Variants in MGAT4C observed in about 807,000 individuals in gnomAD.
MGAT4C encodes the protein alpha-1,3-mannosyl-glycoprotein 4-beta-N-acetylglucosaminyltransferase C.
A neutral mutation model predicts 40.1 loss-of-function variants in MGAT4C; 19 were observed. The ratio of observed to expected loss-of-function variants is 0.47; its 90% CI spans 0.33 to 0.70. The LOEUF is 0.70. Among genes scored for constraint, MGAT4C ranks in the 30% least tolerant of loss-of-function variants. The pLI is 0.02. For missense variants in MGAT4C, 491 were observed against 563.2 expected, an observed-to-expected ratio of 0.87 and a Z score of 1.30; for synonymous variants, 181 against 187.1, an observed-to-expected ratio of 0.97 and a Z score of 0.27.
intron 1 of MGAT4C, among the ~76,000 whole-genome samples, chr12:86,774,308 T>TTTCTTTC (rs1396153614): frequency 2.5e-5 from 1 of 39,538 alleles, no homozygotes; most frequent in African/African-American, 6.4e-5. Flanking sequence ...TCTTTCTTTC[T>TTTCTTTC]TTCTTTCTTT....
intron 2 of MGAT4C, among the ~76,000 whole-genome samples, chr12:86,679,044 C>A (rs958473826): frequency 6.6e-6 from 1 of 152,034 alleles, no homozygotes; most frequent in Non-Finnish European, 1.5e-5. Flanking sequence ...ACAGTCCCAC[C>A]AACAGTGTAA....
chr12:86,778,963 T>C (rs1951787209), intron 1 of MGAT4C, among the ~76,000 whole-genome samples: 1 of 150,598 alleles, frequency 6.6e-6, no homozygotes, highest in Non-Finnish European at 1.5e-5. Context: ...TGCCTGGTAT[T>C]TTAAATTATA....
intron 4 of MGAT4C, among the ~76,000 whole-genome samples, chr12:86,298,304 C>CATGTT (rs931945128): frequency 3.9e-5 from 6 of 152,006 alleles, no homozygotes; most frequent in African/African-American, 1.2e-4. Context: ...TATTATTTTT[C>CATGTT]ATGTTTAAAT....
At chr12:86,764,629 C>T (rs1239316072) in intron 1 of MGAT4C, among the ~76,000 whole-genome samples, 12 of 150,190 alleles carry the variant, frequency 8.0e-5, no homozygotes, top group African/African-American at 2.7e-4. Flanking sequence ...TAGGGGCAGA[C>T]TGACACCTCA....
chr12:86,449,451 CTTAATTGTATAG>C (rs1290640952), intron 2 of MGAT4C, among the ~76,000 whole-genome samples: 4 of 152,084 alleles, frequency 2.6e-5, no homozygotes, highest in Non-Finnish European at 5.9e-5. Context: ...GTGCACAACT[CTTAATTGTATAG>C]TTTGATGTAT....
rs1354040924 is a variant in MGAT4C at position 86,818,460 on chromosome 12, G to C, written c.-262+20206C>G. Among the ~76,000 whole-genome samples the C allele has an allele frequency of 7.3e-5, 11 of 151,102 alleles. No individual in the cohort carries two copies. The Admixed American group carries it at 7.3e-4, about 10-fold the overall frequency. Reference sequence around the variant, plus strand: ...AGGGATAAGGTAATAGAAAATCAGAGTGAATTGTTAGAGGCATGGAAACTG... The same window carrying C: ...AGGGATAAGGTAATAGAAAATCAGACTGAATTGTTAGAGGCATGGAAACTG... On this transcript the variant is annotated intron_variant, in intron 1 of 7. Coordinates refer to the MGAT4C transcript ENST00000548651.
chr12:86,358,136 A>G (rs1955360618), intron 3 of MGAT4C, among the ~76,000 whole-genome samples: 1 of 152,254 alleles, frequency 6.6e-6, no homozygotes, highest in African/African-American at 2.4e-5. Context: ...ATCTCTCAGC[A>G]GAAACTCTCC....
chr12:86,419,136 C>T (rs1265073962), intron 3 of MGAT4C, among the ~76,000 whole-genome samples: 3 of 151,908 alleles, frequency 2.0e-5, no homozygotes, highest in Admixed American at 2.0e-4. Flanking sequence ...TTTCTCCCTC[C>T]AACTTTTAAA....
chr12:86,157,706 A>C (rs1885127925), intron 1 of MGAT4C, among the ~76,000 whole-genome samples: 1 of 152,196 alleles, frequency 6.6e-6, no homozygotes, highest in South Asian at 2.1e-4. Context: ...AAGGAAAAGA[A>C]AGACACATCT....
At chr12:86,537,423 A>T (rs193157589) in intron 2 of MGAT4C, among the ~76,000 whole-genome samples, 196 of 152,266 alleles carry the variant, frequency 1.3e-3, no homozygotes, top group African/African-American at 4.5e-3. Context: ...TTAGTTATAA[A>T]AGTAAATGTC....
Position 86,399,455 on chromosome 12 carries a change from G to C in MGAT4C, c.-120+35702C>G, listed in dbSNP as rs1204226673. 2.6e-5 allele frequency among the ~76,000 whole-genome samples: 4 copies of C among 151,326 alleles called. No individual in the cohort carries two copies. The East Asian group carries it at 5.9e-4, about 22-fold the overall frequency. On this transcript the variant is annotated intron_variant, in intron 3 of 7. Transcript: ENST00000548651. ...CGCCACCACACCCGGCTAATTTTTT[G>C]TATTTTTAGTAGAAACGGGGTTTCA...
intron 2 of MGAT4C, among the ~76,000 whole-genome samples, chr12:86,447,179 G>C (rs2897328): frequency 0.098 from 14,989 of 152,184 alleles, 996 homozygotes; most frequent in Middle Eastern, 0.24. Flanking sequence ...AGGCTGGAGT[G>C]CAATGGTGCA....
intron 2 of MGAT4C, among the ~76,000 whole-genome samples, chr12:86,594,600 G>A (rs532067461): frequency 1.6e-4 from 24 of 152,258 alleles, no homozygotes; most frequent in East Asian, 5.8e-4. Context: ...TTTTGCTACC[G>A]TTCAAGGAGA....
At chr12:86,616,418 CGTAA>C (rs1383659050) in intron 2 of MGAT4C, among the ~76,000 whole-genome samples, 3 of 151,872 alleles carry the variant, frequency 2.0e-5, no homozygotes, top group Non-Finnish European at 2.9e-5. Flanking sequence ...CATAGGTAAC[CGTAA>C]GTAACATTAA....
chr12:86,068,358 A>G (rs1362429602), intron 1 of MGAT4C: 1 of 151,952 alleles, frequency 6.6e-6, no homozygotes. Context: ...ATCATCATTG[A>G]TATTAGTTTG....
rs1873033021 is a variant in MGAT4C at position 86,092,343 on chromosome 12, T to C, written c.-56-42620A>G. Among the ~76,000 whole-genome samples, 3 of 152,254 alleles carry C rather than the reference T, an allele frequency of 2.0e-5. No individual in the cohort carries two copies. In the South Asian group the frequency reaches 6.2e-4, roughly 32 times the overall value. On this transcript the variant is annotated intron_variant, in intron 1 of 4. Coordinates refer to ENST00000611864, the MANE Select transcript of MGAT4C (RefSeq NM_001351288.2). The stretch of plus-strand genomic sequence containing the variant: ...GAAGAAAGGTGGAGATAAATTACTA[T>C]TATCCTGTTGTTCTATTTATCCTAG...
chr12:86,463,426 T>C (rs1010973126), intron 2 of MGAT4C, among the ~76,000 whole-genome samples: 2 of 152,176 alleles, frequency 1.3e-5, no homozygotes, highest in Admixed American at 6.5e-5. Flanking sequence ...ATAGTTCTTA[T>C]ATGCATCTCA....
chr12:86,157,684 T>C (rs1885124183), intron 1 of MGAT4C, among the ~76,000 whole-genome samples: 1 of 152,034 alleles, frequency 6.6e-6, no homozygotes, highest in Admixed American at 6.6e-5. Flanking sequence ...CTTACAATCA[T>C]GGAGGAAGGT....
chr12:86,319,010 A>C (rs1373065412), intron 4 of MGAT4C, among the ~76,000 whole-genome samples: 1 of 152,046 alleles, frequency 6.6e-6, no homozygotes, highest in Non-Finnish European at 1.5e-5. Flanking sequence ...AACATCTATC[A>C]CCCAAGCTCT....
Sources: allele counts gnomAD v4.1 joint callset (sites outside exome capture counted in the v4.1 genomes callset), GRCh38; gene constraint gnomAD v4.1.1; transcripts MANE v1.5; gene names NCBI Gene and HGNC (gene_info 2026-07-23, HGNC 2026-07-21).